Variants in SCARA5 observed in about 807,000 individuals in gnomAD.
SCARA5 encodes the protein scavenger receptor class A, member 5 (putative).
In SCARA5, 45 loss-of-function variants were observed where a neutral mutation model predicts 46.3. The observed-to-expected ratio is 0.97, with a 90% confidence interval of 0.76 to 1.24. The LOEUF (loss-of-function observed/expected upper bound fraction) is 1.24. SCARA5 is among the 50% of genes most tolerant of loss of function. SCARA5 has a pLI of 0.00. For synonymous variants in SCARA5, 333 were observed against 306.5 expected (o/e 1.09, Z -0.90); for missense variants, 680 against 689.0 (o/e 0.99, Z 0.15).
At chr8:27,915,134 A>G (rs900314088) in intron 4 of SCARA5, among the ~76,000 whole-genome samples, 3 of 152,148 alleles carry the variant, frequency 2.0e-5, no homozygotes, top group Admixed American at 2.0e-4. Flanking sequence ...AGTACCCTCA[A>G]GTCACCAGGG....
intron 4 of SCARA5, among the ~76,000 whole-genome samples, chr8:27,910,488 T>C (rs1807355355): frequency 6.6e-6 from 1 of 152,170 alleles, no homozygotes. Flanking sequence ...AGACCCGGCC[T>C]GAGTGTTGGA....
chr8:27,973,212 C>T (rs1446135889), intron 2 of SCARA5, among the ~76,000 whole-genome samples: 1 of 152,170 alleles, frequency 6.6e-6, no homozygotes, highest in Non-Finnish European at 1.5e-5. Flanking sequence ...TGTAGTGGCT[C>T]ATGCTTGTAA....
Position 27,921,937 on chromosome 8 carries a change from C to T in SCARA5, c.550G>A (p.Glu184Lys). 1 of 1,538,950 alleles carries T rather than the reference C, an allele frequency of 6.5e-7. No individual in the cohort carries two copies. ...TGQQSDTAQL[E>K]LYQLQVESNS... is the part of the protein sequence containing the mutation. The stretch of plus-strand genomic sequence containing the variant: ...CTCTCCACCTGCAGCTGGTAGAGCT[C>T]CAGCTGCGCCGTGTCGCTCTGCTGG... Residue 184 changes from glutamate to lysine, a missense_variant, in exon 4 of 9, where the codon GAG becomes AAG. Around this residue, in one of 3 missense-constraint regions of SCARA5, gnomAD observed 438 missense variants for 384.5 expected, o/e 1.14. Coordinates refer to ENST00000354914, the MANE Select transcript of SCARA5 (RefSeq NM_173833.6).
intron 2 of SCARA5, among the ~76,000 whole-genome samples, chr8:27,980,909 C>T (rs549744287): frequency 1.4e-4 from 21 of 152,220 alleles, no homozygotes; most frequent in African/African-American, 3.9e-4. Context: ...AGGATCAGCC[C>T]GAAAACACTC....
At chr8:27,971,178 C>T (rs569288943) in intron 2 of SCARA5, among the ~76,000 whole-genome samples, 2 of 152,282 alleles carry the variant, frequency 1.3e-5, no homozygotes, top group East Asian at 1.9e-4. Context: ...GAGGGGAAGA[C>T]GATGCATAAA....
chr8:27,983,452 G>A (rs960927939), intron 2 of SCARA5, among the ~76,000 whole-genome samples: 2 of 152,172 alleles, frequency 1.3e-5, no homozygotes, highest in African/African-American at 4.8e-5. Context: ...ATCCAGAAGT[G>A]AGGGGAGTCA....
chr8:27,922,343 C>CTA, intron 3 of SCARA5, 98 bp from the exon 4 acceptor site: 1 of 752,314 alleles, frequency 1.3e-6, no homozygotes, highest in African/African-American at 1.9e-5. Context: ...GCAGTAGGTG[C>CTA]TCAATAAATG....
intron 3 of SCARA5, among the ~76,000 whole-genome samples, chr8:27,942,460 T>C (rs1807966692): frequency 1.3e-5 from 2 of 152,202 alleles, no homozygotes; most frequent in South Asian, 4.1e-4. Flanking sequence ...AAGCTGCCCA[T>C]TGCTTCAACT....
At chr8:27,989,143 T>C (rs1172734126) in intron 1 of SCARA5, among the ~76,000 whole-genome samples, 3 of 136,374 alleles carry the variant, frequency 2.2e-5, no homozygotes, top group Non-Finnish European at 4.7e-5. Flanking sequence ...TTTTTTTTTT[T>C]TTTTTTTTTT....
At chr8:27,964,908 A>G (rs1245237946) in intron 3 of SCARA5, among the ~76,000 whole-genome samples, 2 of 152,110 alleles carry the variant, frequency 1.3e-5, no homozygotes, top group Non-Finnish European at 2.9e-5. Flanking sequence ...TTGGGCTGGA[A>G]TGCTTTCTGA....
Position 27,964,736 on chromosome 8 carries a change from C to T in SCARA5, c.241+1678G>A, listed in dbSNP as rs867112054. On this transcript the variant is annotated intron_variant, in intron 3 of 8. Coordinates refer to ENST00000354914, the MANE Select transcript of SCARA5 (RefSeq NM_173833.6). ...ACCGTCACTCCACTGCAAGTCTTCT[C>T]TTCCCCAAGAGACGATGCCCTTCCA... is the stretch of plus-strand genomic sequence containing the variant. Among the ~76,000 whole-genome samples the T allele has an allele frequency of 4.6e-5, 7 of 152,242 alleles. No individual in the cohort carries two copies. The Middle Eastern group carries it at 0.014, about 298-fold the overall frequency.
intron 3 of SCARA5, among the ~76,000 whole-genome samples, chr8:27,962,926 G>A (rs1412899412): frequency 6.6e-6 from 1 of 152,176 alleles, no homozygotes; most frequent in Non-Finnish European, 1.5e-5. Flanking sequence ...TGATGACAAC[G>A]ACCGAATGGT....
chr8:27,965,362 T>A (rs546837514), intron 3 of SCARA5, among the ~76,000 whole-genome samples: 2 of 152,210 alleles, frequency 1.3e-5, no homozygotes, highest in Non-Finnish European at 2.9e-5. Context: ...CCTCCCTCAG[T>A]GCTCCAAGTC....
chr8:27,898,644 A>C (rs1807101267), intron 7 of SCARA5, among the ~76,000 whole-genome samples: 1 of 152,222 alleles, frequency 6.6e-6, no homozygotes, highest in South Asian at 2.1e-4. Context: ...GCTCTGGAGC[A>C]TCTTTTTAAA....
chr8:27,987,572 T>C lies in SCARA5; in HGVS notation c.44A>G (p.Asp15Gly), dbSNP rs368931343. The C allele has an allele frequency of 1.9e-6, 3 of 1,614,016 alleles. No individual in the cohort carries two copies. Among genetic ancestry groups the C allele is most frequent in the African/African-American group, 2.7e-5 (2 of 74,930 alleles). ...AMYLHTVSDC[D>G]TSSICEDSFD... ...GGAATCCTCACAGATGGAGCTGGTGTCACAGTCGCTGACGGTGTGTAGGTA... is the reference window on the plus strand; with the variant it reads ...GGAATCCTCACAGATGGAGCTGGTGCCACAGTCGCTGACGGTGTGTAGGTA... Residue 15 changes from aspartate to glycine, a missense_variant, in exon 2 of 9, where the codon GAC becomes GGC. Coordinates refer to ENST00000354914, the MANE Select transcript of SCARA5 (RefSeq NM_173833.6).
chr8:27,906,997 C>T, intron 6 of SCARA5, 151 bp downstream of exon 6: 1 of 510,206 alleles, frequency 2.0e-6, no homozygotes, highest in Non-Finnish European at 3.5e-6. Context: ...GGAGGAAAAA[C>T]TAAATGCTTT....
chr8:27,976,876 C>T (rs1808533080), intron 2 of SCARA5, among the ~76,000 whole-genome samples: 1 of 152,214 alleles, frequency 6.6e-6, no homozygotes, highest in Admixed American at 6.5e-5. Context: ...CCCACAAAAC[C>T]TCACAGCCTC....
chr8:27,932,119 A>T (rs985208139), intron 3 of SCARA5, among the ~76,000 whole-genome samples: 12 of 152,120 alleles, frequency 7.9e-5, no homozygotes. Context: ...AGCTGGGACT[A>T]CAGGCGTGCA....
At chr8:27,974,506 CAACA>C (rs1297577010) in intron 2 of SCARA5, among the ~76,000 whole-genome samples, 1 of 151,734 alleles carries the variant, frequency 6.6e-6, no homozygotes, top group Non-Finnish European at 1.5e-5. Context: ...GTTTTAACAG[CAACA>C]AACAGCTACT....
Sources: gnomAD v4.1 joint callset for allele counts (sites outside exome capture counted in the v4.1 genomes callset) on GRCh38, gnomAD v4.1.1 for gene constraint, gnomAD v4.1.1 regional missense constraint, MANE v1.5 for transcripts, NCBI Gene and HGNC (gene_info 2026-07-23, HGNC 2026-07-21) for gene names.